EEF2KMT: variants seen among roughly 807,000 people sequenced by gnomAD.
EEF2KMT encodes the protein protein-lysine N-methyltransferase EEF2KMT.
A neutral mutation model predicts 35.1 loss-of-function variants in EEF2KMT; 30 were observed. The ratio of observed to expected loss-of-function variants is 0.85; its 90% CI spans 0.64 to 1.16. EEF2KMT has a LOEUF of 1.16. EEF2KMT is among the 50% of genes most tolerant of loss of function. EEF2KMT has a pLI of 0.00. For missense variants in EEF2KMT, 499 were observed against 438.2 expected, an observed-to-expected ratio of 1.14 and a Z score of -1.24; for synonymous variants, 190 against 187.7, an observed-to-expected ratio of 1.01 and a Z score of -0.10.
intron 7 of EEF2KMT, among the ~76,000 whole-genome samples, chr16:5,086,160 A>C (rs1174709056): frequency 6.6e-6 from 1 of 152,130 alleles, no homozygotes; most frequent in African/African-American, 2.4e-5. Context: ...ACATGGTGAA[A>C]TCCCATCTCT....
Position 5,085,487 on chromosome 16 carries a change from G to T in EEF2KMT, c.*145C>A. On this transcript the variant is annotated 3_prime_UTR_variant, in exon 8 of 8. Coordinates refer to ENST00000427587, the MANE Select transcript of EEF2KMT (RefSeq NM_201400.4). ...CGCTTAGATAGCCGATGTCTTATTA[G>T]AGGGCAGTTTGTGGTTCCTGATTTG... 1.4e-6 allele frequency: 1 copy of T among 713,720 alleles called. No homozygotes were observed. Among genetic ancestry groups the T allele is most frequent in the Non-Finnish European group, 2.5e-6 (1 of 392,678 alleles). The allele number at this position is 713,720 out of a possible 1,614,324, so 44.2% of individuals were successfully genotyped here. A position where few individuals can be genotyped will look rare whatever the true frequency, so the allele number is the denominator to read the frequency against.
At position 5,097,730 on chromosome 16, in the gene EEF2KMT, C is replaced by G. The variant is rs760367837; in HGVS notation, c.10G>C (p.Glu4Gln). Residue 4 changes from glutamate to glutamine, a missense_variant, in exon 1 of 8, where the codon GAG (glutamate) becomes CAG (glutamine). Physicochemically the swap from Glu to Gln is conservative, Grantham distance 29. Coordinates refer to ENST00000427587, the MANE Select transcript of EEF2KMT (RefSeq NM_201400.4). ...AAGAGTTCGGTCCCCGCGTTCTCCTCGGGCGCCATGACGTGGGCGGGGCCG... is the reference window on the plus strand; with the variant it reads ...AAGAGTTCGGTCCCCGCGTTCTCCTGGGGCGCCATGACGTGGGCGGGGCCG... The part of the protein sequence containing the change: MAP[E>Q]ENAGTELLLQ... 6 of 1,565,374 alleles carry G rather than the reference C, an allele frequency of 3.8e-6. No individual in the cohort carries two copies. The Admixed American group carries it at 1.1e-4, about 29-fold the overall frequency.
At chr16:5,086,061 C>T (rs1430914139) in intron 7 of EEF2KMT, among the ~76,000 whole-genome samples, 1 of 152,208 alleles carries the variant, frequency 6.6e-6, no homozygotes, top group Non-Finnish European at 1.5e-5. Context: ...AGCGGCCGGG[C>T]ACAGTGGCTC....
In EEF2KMT at chr16:5,097,234, G is replaced by C. The variant is rs765910124; in HGVS notation, c.96+410C>G. 1.1e-5 allele frequency: 13 copies of C among 1,235,872 alleles called. No homozygotes were observed. In the East Asian group the frequency reaches 5.9e-4, roughly 56 times the overall value. The allele number at this position is 1,235,872 out of a possible 1,614,324, so 76.6% of individuals were successfully genotyped here. ...TACAGATGAGAATACTGAGGCACGA[G>C]GGACAGCCTGTGACCCGGTCACCGC... On this transcript the variant is annotated intron_variant, in intron 1 of 7. Coordinates refer to ENST00000427587, the MANE Select transcript of EEF2KMT (RefSeq NM_201400.4).
rs565204592 is a variant in EEF2KMT, at chr16:5,089,107, C to A, written c.892G>T (p.Gly298Cys). ...ETCQLFTTELGRAGIRWEVEP... is the reference protein window; with the variant it reads ...ETCQLFTTELCRAGIRWEVEP... ...GGCCCGGGTGGGCGTGGAGGCTCAC[C>A]TAGCTCGGTGGTGAACAGCTGGCAC... is the stretch of plus-strand genomic sequence containing the variant. The change falls in exon 7 of 8, where the codon GGC becomes TGC. Residue 298 changes from glycine to cysteine, a missense_variant and splice_region_variant. Coordinates refer to ENST00000427587, the MANE Select transcript of EEF2KMT (RefSeq NM_201400.4). The A allele has an allele frequency of 3.4e-5, 55 of 1,612,644 alleles. No individual in the cohort carries two copies. Among genetic ancestry groups the A allele is most frequent in the Middle Eastern group, 1.9e-4 (1 of 5,404 alleles).
At chr16:5,097,354 CT>C in intron 1 of EEF2KMT, 1 of 1,452,828 alleles carries the variant, frequency 6.9e-7, no homozygotes, top group Non-Finnish European at 9.1e-7. Flanking sequence ...CGATTACTGC[CT>C]TTAAAAAGTC....
intron 2 of EEF2KMT, among the ~76,000 whole-genome samples, chr16:5,094,593 C>T (rs553539782): frequency 6.6e-6 from 1 of 152,284 alleles, no homozygotes; most frequent in African/African-American, 2.4e-5. Flanking sequence ...GCTCTCCCTA[C>T]ATTTCATGCT....
At position 5,084,682 on chromosome 16, in the gene EEF2KMT, C is replaced by G. The variant is rs1957085729; in HGVS notation, c.*950G>C. 2 of 1,594,946 alleles carry G rather than the reference C, an allele frequency of 1.3e-6. No homozygotes were observed. Among genetic ancestry groups the G allele is most frequent in the Admixed American group, 3.3e-5 (2 of 59,726 alleles). ...TGTTGGGTCGGGGACCTGGGGTCAGCCAGGTGGTGACCTGGGATGGGGTGG... is the reference window on the plus strand; with the variant it reads ...TGTTGGGTCGGGGACCTGGGGTCAGGCAGGTGGTGACCTGGGATGGGGTGG... On this transcript the variant is annotated 3_prime_UTR_variant, in exon 8 of 8. Transcript: ENST00000427587.
At chr16:5,094,351 C>T (rs1157435682) in intron 2 of EEF2KMT, among the ~76,000 whole-genome samples, 4 of 152,224 alleles carry the variant, frequency 2.6e-5, no homozygotes. Flanking sequence ...CAGCCTCTGC[C>T]TCCTGGGTTC....
chr16:5,096,761 T>C (rs1957476847), intron 1 of EEF2KMT, among the ~76,000 whole-genome samples: 1 of 152,172 alleles, frequency 6.6e-6, no homozygotes, highest in Non-Finnish European at 1.5e-5. Flanking sequence ...CTCGTGGGTG[T>C]TGAGGGTGAG....
Position 5,090,226 on chromosome 16 carries a change from A to G in EEF2KMT, c.600T>C (p.Asn200=), listed in dbSNP as rs755536775. 1 of 1,611,906 alleles carries G rather than the reference A, an allele frequency of 6.2e-7. No individual in the cohort carries two copies. The highest frequency in any genetic ancestry group is 2.2e-5 in the East Asian group (1 of 44,894). The part of the protein sequence containing the change: ...HSRVLEQLRG[N]VLLNGLSLEA... Reference sequence around the variant, plus strand: ...CTAATGAGAGGCCATTGAGAAGGACATTCCCTCGGAGCTGCTCAAGGACCC... The same window carrying G: ...CTAATGAGAGGCCATTGAGAAGGACGTTCCCTCGGAGCTGCTCAAGGACCC... Residue 200 remains asparagine, a synonymous_variant, in exon 6 of 8, where the codon AAT becomes AAC. Coordinates refer to ENST00000427587, the MANE Select transcript of EEF2KMT (RefSeq NM_201400.4). The surrounding 1 kb of genome is among the most constrained non-coding windows in gnomAD (Gnocchi z 4.1).
At chr16:5,088,490 C>T (rs1024801211) in intron 7 of EEF2KMT, among the ~76,000 whole-genome samples, 12 of 152,016 alleles carry the variant, frequency 7.9e-5, no homozygotes, top group Middle Eastern at 3.4e-3. Flanking sequence ...AGTGTGGAGG[C>T]GTGAGAGCCA....
At chr16:5,097,538 G>T (rs1335195023) in intron 1 of EEF2KMT, 106 bp downstream of exon 1, 2 of 1,500,866 alleles carry the variant, frequency 1.3e-6, no homozygotes, top group Admixed American at 2.1e-5. Flanking sequence ...GGGAGCCCAG[G>T]AACTCACGTG....
At chr16:5,085,863 T>TC (rs1216208061) in intron 7 of EEF2KMT, 131 bp from the exon 8 acceptor site, 145 of 750,228 alleles carry the variant, frequency 1.9e-4, no homozygotes, top group Non-Finnish European at 2.8e-4. Flanking sequence ...GTTCACAGGT[T>TC]CCCAGGCCCA....
chr16:5,095,053 G>C (rs1313374868), intron 2 of EEF2KMT, among the ~76,000 whole-genome samples: 1 of 152,174 alleles, frequency 6.6e-6, no homozygotes, highest in Admixed American at 6.5e-5. Flanking sequence ...CCTGGGCAAA[G>C]CAAGGGCCCA....
rs763797418 is a variant in EEF2KMT, at chr16:5,091,785, T to C, written c.342+9A>G. On this transcript the variant is annotated intron_variant, in intron 4 of 7. Coordinates refer to ENST00000427587, the MANE Select transcript of EEF2KMT (RefSeq NM_201400.4). ...GGCTGTGAGGGGGAGGAGGGTGCCCTTCTCATACCAGCAAATAGCTCCGGT... is the reference window on the plus strand; with the variant it reads ...GGCTGTGAGGGGGAGGAGGGTGCCCCTCTCATACCAGCAAATAGCTCCGGT... The C allele has an allele frequency of 2.5e-6, 4 of 1,611,460 alleles. No homozygotes were observed. Among genetic ancestry groups the C allele is most frequent in the Admixed American group, 3.3e-5 (2 of 59,978 alleles).
At chr16:5,089,039 C>T (rs549353744) in intron 7 of EEF2KMT, 68 bp downstream of exon 7, 3 of 1,607,228 alleles carry the variant, frequency 1.9e-6, no homozygotes, top group Non-Finnish European at 2.5e-6. Flanking sequence ...CCAGTTCTTT[C>T]ACTTCCACTG....
intron 7 of EEF2KMT, among the ~76,000 whole-genome samples, chr16:5,086,250 G>C (rs1160141262): frequency 3.3e-5 from 5 of 150,186 alleles, no homozygotes; most frequent in Non-Finnish European, 7.4e-5. Flanking sequence ...TGGGAGAATT[G>C]CTTGAACCCA....
intron 3 of EEF2KMT, 149 bp downstream of exon 3, chr16:5,093,335 G>C: frequency 1.6e-6 from 2 of 1,227,068 alleles, no homozygotes; most frequent in Non-Finnish European, 2.3e-6. Flanking sequence ...TGTCTCCCAT[G>C]GGTCACATGT....
Sources: gnomAD v4.1 joint callset for allele counts (sites outside exome capture counted in the v4.1 genomes callset) on GRCh38, gnomAD v4.1.1 for gene constraint, Gnocchi (gnomAD v3.1) non-coding constraint, MANE v1.5 for transcripts, NCBI Gene and HGNC (gene_info 2026-07-23, HGNC 2026-07-21) for gene names.